Variants in TRAPPC9 observed in about 807,000 individuals in gnomAD.
TRAPPC9 encodes the protein IKK2 binding protein.
Under a neutral mutation model 124.0 loss-of-function variants are expected in TRAPPC9, and 83 were observed. The observed-to-expected ratio is 0.67, with a 90% confidence interval of 0.56 to 0.80. The LOEUF (loss-of-function observed/expected upper bound fraction) is 0.80. Ranked by LOEUF, TRAPPC9 falls within the 30% of genes least tolerant of loss-of-function variation. The probability of loss-of-function intolerance (pLI) is 0.00; values close to 1 mark genes in which losing one functional copy is unlikely to be tolerated. For synonymous variants in TRAPPC9, 638 were observed against 617.5 expected (o/e 1.03, Z -0.49); for missense variants, 1,302 against 1,508.3 (o/e 0.86, Z 2.27).
intron 21 of TRAPPC9, among the ~76,000 whole-genome samples, chr8:139,751,211 T>C (rs1340778640): frequency 6.6e-6 from 1 of 152,192 alleles, no homozygotes; most frequent in Admixed American, 6.5e-5. Flanking sequence ...TGTCAGGTGT[T>C]AGTCTGGAAA....
chr8:140,300,617 G>A lies in TRAPPC9; in HGVS notation c.1623-3C>T, dbSNP rs1246276781. 1 of 1,614,202 alleles carries A rather than the reference G, an allele frequency of 6.2e-7. No homozygotes were observed. Among genetic ancestry groups the A allele is most frequent in the South Asian group, 1.1e-5 (1 of 91,086 alleles). On this transcript the variant is annotated splice_polypyrimidine_tract_variant and splice_region_variant and intron_variant, in intron 10 of 22. Coordinates refer to ENST00000438773, the MANE Select transcript of TRAPPC9 (RefSeq NM_001160372.4). ...GAAGGTTCAATAGTTTCACATGCCT[G>A]TTGTTTCAAACAGAACACAAATACT...
chr8:140,107,027 T>C (rs1032960319), intron 17 of TRAPPC9, among the ~76,000 whole-genome samples: 8 of 152,150 alleles, frequency 5.3e-5, no homozygotes, highest in African/African-American at 1.7e-4. Flanking sequence ...CCTCCAGACA[T>C]AGAGAGGAGA....
chr8:139,992,238 T>C (rs1837695171), intron 18 of TRAPPC9, among the ~76,000 whole-genome samples: 1 of 152,186 alleles, frequency 6.6e-6, no homozygotes, highest in Non-Finnish European at 1.5e-5. Flanking sequence ...ACGATATTTA[T>C]GTAAAAAATT....
At chr8:140,139,788 A>G (rs1001396043) in intron 17 of TRAPPC9, among the ~76,000 whole-genome samples, 1 of 152,044 alleles carries the variant, frequency 6.6e-6, no homozygotes, top group Non-Finnish European at 1.5e-5. Flanking sequence ...GCACCGCAGG[A>G]GGCCCTCCGA....
rs376505164 is a variant in TRAPPC9 at position 140,451,298 on chromosome 8, C to T, written c.76G>A (p.Val26Ile). The T allele has an allele frequency of 3.9e-5, 63 of 1,609,520 alleles. No individual in the cohort carries two copies. The East Asian group carries it at 1.2e-3, about 30-fold the overall frequency. ...LLVVVQPVGI[V>I]SEENFFRIYK... ...ATCCTGAAGAAGTTCTCCTCGGAGACGATGCCCACAGGCTGGACCACCACG... is the reference window on the plus strand; with the variant it reads ...ATCCTGAAGAAGTTCTCCTCGGAGATGATGCCCACAGGCTGGACCACCACG... The change falls in exon 2 of 23, where the codon GTC (valine) becomes ATC (isoleucine). Residue 26 changes from valine to isoleucine, a missense_variant. By Grantham distance (29) the Val-to-Ile change is conservative (BLOSUM62 3). Transcript: ENST00000438773.
intron 17 of TRAPPC9, among the ~76,000 whole-genome samples, chr8:140,100,775 G>A (rs1028805641): frequency 6.6e-6 from 1 of 152,182 alleles, no homozygotes; most frequent in Non-Finnish European, 1.5e-5. Flanking sequence ...TCTCACTCAC[G>A]GGTGACAGGG....
intron 17 of TRAPPC9, among the ~76,000 whole-genome samples, chr8:140,133,509 C>A (rs1267099282): frequency 6.6e-6 from 1 of 152,216 alleles, no homozygotes; most frequent in Middle Eastern, 3.2e-3. Flanking sequence ...AACAGGACAG[C>A]ATGCCTGCTT....
chr8:139,930,112 A>G (rs560614037), intron 19 of TRAPPC9, among the ~76,000 whole-genome samples: 2 of 152,382 alleles, frequency 1.3e-5, no homozygotes, highest in South Asian at 2.1e-4. Context: ...CTGAACAAGC[A>G]TAACTTCACT....
chr8:140,423,860 C>T (rs2070328610), intron 5 of TRAPPC9, among the ~76,000 whole-genome samples: 1 of 151,998 alleles, frequency 6.6e-6, no homozygotes, highest in African/African-American at 2.4e-5. Context: ...GTGAAAGAGG[C>T]CAGTCACAAA....
At chr8:140,153,357 C>T (rs1449288487) in intron 17 of TRAPPC9, among the ~76,000 whole-genome samples, 1 of 152,038 alleles carries the variant, frequency 6.6e-6, no homozygotes, top group Non-Finnish European at 1.5e-5. Context: ...GCTTGGAATG[C>T]AATTGCTATG....
intron 5 of TRAPPC9, among the ~76,000 whole-genome samples, chr8:140,418,556 A>C (rs1007762338): frequency 6.6e-6 from 1 of 152,180 alleles, no homozygotes; most frequent in Non-Finnish European, 1.5e-5. Context: ...CCCTGTCTCT[A>C]CTAAAAATAC....
intron 18 of TRAPPC9, among the ~76,000 whole-genome samples, chr8:140,022,223 G>C (rs1387674280): frequency 6.6e-6 from 1 of 152,226 alleles, no homozygotes; most frequent in Non-Finnish European, 1.5e-5. Context: ...GCATGCAGTG[G>C]ATTGCAGAGT....
intron 19 of TRAPPC9, among the ~76,000 whole-genome samples, chr8:139,929,962 G>C (rs1345999711): frequency 6.6e-6 from 1 of 152,208 alleles, no homozygotes; most frequent in Non-Finnish European, 1.5e-5. Context: ...CAGTCCTCAG[G>C]AGCAGCACCT....
intron 21 of TRAPPC9, among the ~76,000 whole-genome samples, chr8:139,800,862 C>T (rs538795305): frequency 2.7e-5 from 4 of 149,478 alleles, no homozygotes; most frequent in South Asian, 2.1e-4. Context: ...TCCCTCCCTC[C>T]GGTATCTCCC....
chr8:139,903,336 G>A (rs568580077), intron 20 of TRAPPC9, among the ~76,000 whole-genome samples: 1 of 152,104 alleles, frequency 6.6e-6, no homozygotes, highest in East Asian at 1.9e-4. Flanking sequence ...TGGAGGAGGC[G>A]GATGCGCCTG....
At chr8:140,286,422 G>A (rs957236175) in intron 13 of TRAPPC9, among the ~76,000 whole-genome samples, 1 of 152,176 alleles carries the variant, frequency 6.6e-6, no homozygotes, top group African/African-American at 2.4e-5. Flanking sequence ...ACAGATGGGA[G>A]GTGGGTCTGT....
chr8:139,735,109 C>T (rs1818071956), intron 21 of TRAPPC9, among the ~76,000 whole-genome samples: 1 of 152,212 alleles, frequency 6.6e-6, no homozygotes, highest in African/African-American at 2.4e-5. Flanking sequence ...GCTCTTTGTT[C>T]TCCCAGCTGG....
chr8:139,877,271 T>G (rs542349319), intron 21 of TRAPPC9, among the ~76,000 whole-genome samples: 1 of 152,224 alleles, frequency 6.6e-6, no homozygotes, highest in Non-Finnish European at 1.5e-5. Context: ...CAAATCCGCA[T>G]GGCAAATGCC....
Position 140,284,005 on chromosome 8 carries a change from G to C in TRAPPC9, c.1998C>G (p.Val666=). ...GCAAACAGTCACTGAACACACCGAA[G>C]ACCGTGGTATGGTAACCTGGAATAG... ...TITVNGYHTT[V]FGVFSDCLLD... Residue 666 remains valine, a synonymous_variant, in exon 14 of 23, where the codon GTC becomes GTG. Coordinates refer to ENST00000438773, the MANE Select transcript of TRAPPC9 (RefSeq NM_001160372.4). 1 of 1,614,088 alleles carries C rather than the reference G, an allele frequency of 6.2e-7. No individual in the cohort carries two copies. Among genetic ancestry groups the C allele is most frequent in the Non-Finnish European group, 8.5e-7 (1 of 1,179,994 alleles).
Sources: gnomAD v4.1 joint callset for allele counts (sites outside exome capture counted in the v4.1 genomes callset) on GRCh38, gnomAD v4.1.1 for gene constraint, MANE v1.5 for transcripts, NCBI Gene and HGNC (gene_info 2026-07-23, HGNC 2026-07-21) for gene names.